ITPR3: variants seen among roughly 807,000 people sequenced by gnomAD.
The protein encoded by ITPR3 is inositol 1,4,5-trisphosphate receptor type 3, also known as inositol 1,4,5-trisphosphate-gated calcium channel ITPR3.
A neutral mutation model predicts 293.2 loss-of-function variants in ITPR3; 173 were observed. The ratio of observed to expected loss-of-function variants is 0.59; its 90% CI spans 0.52 to 0.67. The LOEUF (loss-of-function observed/expected upper bound fraction) is 0.67. Ranked by LOEUF, ITPR3 falls within the 30% of genes least tolerant of loss-of-function variation. The pLI is 0.00. For missense variants in ITPR3, 2,796 were observed against 3,592.1 expected, an observed-to-expected ratio of 0.78 and a Z score of 5.66; for synonymous variants, 1,295 against 1,444.4, an observed-to-expected ratio of 0.90 and a Z score of 2.35.
At position 33,685,506 on chromosome 6, in the gene ITPR3, C is replaced by G; in HGVS notation, c.5455C>G (p.Arg1819Gly). 6.2e-7 allele frequency: 1 copy of G among 1,612,632 alleles called. No individual in the cohort carries two copies. The highest frequency in any genetic ancestry group is 8.5e-7 in the Non-Finnish European group (1 of 1,179,542). Residue 1819 changes from arginine (R) to glycine (G), a missense_variant, in exon 40 of 58, where the codon CGC becomes GGC. This residue lies in a region of ITPR3 where 704 missense variants were observed against 797.5 expected (regional missense o/e 0.88). Coordinates refer to ENST00000605930, the MANE Select transcript of ITPR3 (RefSeq NM_002224.4). The stretch of plus-strand genomic sequence containing the variant: ...CCTGGGCAGCCAGCCACATGAGGAC[C>G]GCGAGCCAGTCGACCCCACCACCAA... ...NDLGSQPHED[R>G]EPVDPTTKGR... is the part of the protein sequence containing the mutation.
In ITPR3 at chr6:33,684,560, T is replaced by C. The variant is rs754992967; in HGVS notation, c.5047-38T>C. 1.2e-6 allele frequency: 2 copies of C among 1,607,300 alleles called. No individual in the cohort carries two copies. Among genetic ancestry groups the C allele is most frequent in the East Asian group, 2.2e-5 (1 of 44,846 alleles). On this transcript the variant is annotated intron_variant, in intron 37 of 57. Transcript: ENST00000605930. This position sits in a 1 kb window ranked among gnomAD's most constrained non-coding sequence, Gnocchi z 4.2. ...GTCAGGCCAGTGGTCAGTGGTGGGC[T>C]GTACCCACAATGGGGCCTCACTCCC...
In ITPR3 at chr6:33,690,287, CTG is replaced by C. The variant is rs776545726; in HGVS notation, c.7032+91_7032+92del. On this transcript the variant is annotated intron_variant, in intron 51 of 57. Coordinates refer to ENST00000605930, the MANE Select transcript of ITPR3 (RefSeq NM_002224.4). ...TTGTTGGCAGTTCCCCGGCACCAGT[CTG>C]TCTGTCCAGTCCTTTTGCTGCTGGG... The C allele has an allele frequency of 3.2e-6, 4 of 1,268,844 alleles. No homozygotes were observed. The East Asian group carries it at 9.8e-5, about 31-fold the overall frequency. 78.6% of individuals were successfully genotyped at this position (1,268,844 alleles called of 1,614,324 possible). A position where few individuals can be genotyped will look rare whatever the true frequency, so the allele number is the denominator to read the frequency against.
chr6:33,651,096 G>A (rs1764177113), intron 2 of ITPR3, among the ~76,000 whole-genome samples: 1 of 151,814 alleles, frequency 6.6e-6, no homozygotes, highest in Admixed American at 6.6e-5. Context: ...CTAACATGGT[G>A]AAACCTCGTC....
rs1765174178 is a variant in ITPR3 at position 33,684,653 on chromosome 6, C to T, written c.5102C>T (p.Thr1701Ile). The T allele has an allele frequency of 8.7e-6, 14 of 1,614,008 alleles. 1 individual carries two copies. In the African/African-American group the frequency reaches 1.2e-4, roughly 14 times the overall value. Residue 1701 changes from threonine (T) to isoleucine (I), a missense_variant, in exon 38 of 58, where the codon ACC becomes ATC. Physicochemically the swap from Thr to Ile is moderately conservative, Grantham distance 89. Transcript: ENST00000605930. The surrounding 1 kb of genome is among the most constrained non-coding windows in gnomAD (Gnocchi z 4.2). ...AACTACCTCCAGAACCGGAAGTCCA[C>T]CTCGCGGGGGGACCTTCCCGACCCC... The part of the protein sequence containing the change: ...LQNYLQNRKS[T>I]SRGDLPDPIG...
chr6:33,660,899 C>A (rs1354432545), intron 7 of ITPR3, among the ~76,000 whole-genome samples: 1 of 152,084 alleles, frequency 6.6e-6, no homozygotes, highest in Non-Finnish European at 1.5e-5. Flanking sequence ...ACACTGCACT[C>A]CAGCCTGGGT....
chr6:33,672,184 A>G lies in ITPR3; in HGVS notation c.2884A>G (p.Ile962Val), dbSNP rs1301687912. The part of the protein sequence containing the change: ...DRSKFEENED[I>V]VVMETKLKIL... ...AAGCAAGTTTGAGGAGAATGAGGAC[A>G]TTGTGGTGATGGAGACCAAGCTGAA... is the stretch of plus-strand genomic sequence containing the variant. Residue 962 changes from isoleucine to valine, a missense_variant, in exon 22 of 58, where the codon ATT becomes GTT. By Grantham distance (29) the Ile-to-Val change is conservative. Around this residue, in one of 8 missense-constraint regions of ITPR3, gnomAD observed 955 missense variants for 1,180.8 expected, o/e 0.81. Coordinates refer to ENST00000605930, the MANE Select transcript of ITPR3 (RefSeq NM_002224.4). This position sits in a 1 kb window ranked among gnomAD's most constrained non-coding sequence, Gnocchi z 5.0. The G allele has an allele frequency of 7.1e-6, 11 of 1,554,772 alleles. No homozygotes were observed. In the Middle Eastern group the frequency reaches 5.2e-4, roughly 73 times the overall value.
At chr6:33,660,118 A>T (rs999729095) in intron 7 of ITPR3, among the ~76,000 whole-genome samples, 1 of 152,192 alleles carries the variant, frequency 6.6e-6, no homozygotes, top group African/African-American at 2.4e-5. Flanking sequence ...AGACCATTCA[A>T]GAAACCCTGA....
Position 33,658,884 on chromosome 6 carries a change from AG to A in ITPR3, c.528+59del, listed in dbSNP as rs1378380213. On this transcript the variant is annotated intron_variant, in intron 5 of 57. Transcript: ENST00000605930. The surrounding 1 kb of genome is among the most constrained non-coding windows in gnomAD (Gnocchi z 6.1). ...GGTGGAACTCCCGAGGGGCTTCTGT[AG>A]GGTCTTCGGTGTGGGGACTGGATAA... 2 of 1,607,862 alleles carry A rather than the reference AG, an allele frequency of 1.2e-6. No homozygotes were observed. The highest frequency in any genetic ancestry group is 1.7e-6 in the Non-Finnish European group (2 of 1,175,952).
intron 2 of ITPR3, among the ~76,000 whole-genome samples, chr6:33,651,008 G>A (rs1764173687): frequency 6.6e-6 from 1 of 152,076 alleles, no homozygotes; most frequent in Non-Finnish European, 1.5e-5. Context: ...CGGGCGGGGT[G>A]GTTCACGCCT....
In ITPR3 at chr6:33,685,402, G is replaced by A. The variant is rs377756257; in HGVS notation, c.5351G>A (p.Arg1784His). ...NLMMSDKKSE[R>H]FFKVLHDRMK... ...ATGATGAGTGACAAGAAGTCAGAGCGCTTCTTCAAGGTGCTGCACGACCGC... is the reference window on the plus strand; with the variant it reads ...ATGATGAGTGACAAGAAGTCAGAGCACTTCTTCAAGGTGCTGCACGACCGC... The change falls in exon 40 of 58, where the codon CGC (arginine) becomes CAC (histidine). Residue 1784 changes from arginine (R) to histidine (H), a missense_variant. Transcript: ENST00000605930. The A allele has an allele frequency of 4.5e-5, 72 of 1,613,856 alleles. No homozygotes were observed. Among genetic ancestry groups the A allele is most frequent in the Non-Finnish European group, 5.8e-5 (68 of 1,179,888 alleles).
At position 33,691,040 on chromosome 6, in the gene ITPR3, G is replaced by A. The variant is rs770590508; in HGVS notation, c.7156G>A (p.Val2386Ile). 5.3e-5 allele frequency: 85 copies of A among 1,614,002 alleles called. No homozygotes were observed. Among genetic ancestry groups the A allele is most frequent in the Middle Eastern group, 1.6e-4 (1 of 6,084 alleles). Reference sequence around the variant, plus strand: ...CATCCTGGTCTACCTCTTCTCCATCGTCGGCTTCCTCTTCCTCAAGGATGA... The same window carrying A: ...CATCCTGGTCTACCTCTTCTCCATCATCGGCTTCCTCTTCCTCAAGGATGA... ...ALILVYLFSI[V>I]GFLFLKDDFI... Residue 2386 changes from valine (V) to isoleucine (I), a missense_variant, in exon 52 of 58, where the codon GTC (valine) becomes ATC (isoleucine). Around this residue, in one of 8 missense-constraint regions of ITPR3, gnomAD observed 568 missense variants for 796.1 expected, o/e 0.71. Coordinates refer to ENST00000605930, the MANE Select transcript of ITPR3 (RefSeq NM_002224.4). This position sits in a 1 kb window ranked among gnomAD's most constrained non-coding sequence, Gnocchi z 4.9.
chr6:33,640,064 T>A lies in ITPR3; in HGVS notation c.90-420T>A, dbSNP rs116388873. ...TGCTTTTTGTCTTTCTGACTCTCTG[T>A]CTCCCTCCCTTCCACTCCTCTATGC... On this transcript the variant is annotated intron_variant, in intron 1 of 57. Transcript: ENST00000605930. 3.0e-3 allele frequency among the ~76,000 whole-genome samples: 457 copies of A among 152,292 alleles called. 2 individuals are homozygous for A. The highest frequency in any genetic ancestry group is 0.011 in the African/African-American group (438 of 41,546).
At chr6:33,665,430 G>A (rs1217258388) in intron 13 of ITPR3, among the ~76,000 whole-genome samples, 5 of 152,244 alleles carry the variant, frequency 3.3e-5, no homozygotes, top group Non-Finnish European at 4.4e-5. Context: ...TGGTTACTGT[G>A]TTGAGCCTGG....
chr6:33,680,545 C>T lies in ITPR3; in HGVS notation c.4351-10C>T, dbSNP rs1231636553. ...GAGGAGCCCCCAGCCATCCCTCTCT[C>T]CTGCCTCAGGTCTGCAGCAAGCGTG... On this transcript the variant is annotated splice_polypyrimidine_tract_variant and intron_variant, in intron 32 of 57. Coordinates refer to ENST00000605930, the MANE Select transcript of ITPR3 (RefSeq NM_002224.4). The T allele has an allele frequency of 6.2e-6, 10 of 1,613,254 alleles. No individual in the cohort carries two copies. The East Asian group carries it at 6.7e-5, about 11-fold the overall frequency.
chr6:33,687,049 G>C lies in ITPR3; in HGVS notation c.6020G>C (p.Arg2007Pro). ...CTGCTCCTGGCTCTGATGGAGAGCC[G>C]GCATGACAGTGAAAATGCTGAGCGA... Reference protein sequence around the residue: ...SKLLLALMESRHDSENAERIL... With the variant: ...SKLLLALMESPHDSENAERIL... The change falls in exon 44 of 58, where the codon CGG becomes CCG. Residue 2007 changes from arginine (R) to proline (P), a missense_variant. Physicochemically the swap from Arg to Pro is moderately radical, Grantham distance 103 (BLOSUM62 -2). Coordinates refer to ENST00000605930, the MANE Select transcript of ITPR3 (RefSeq NM_002224.4). This position sits in a 1 kb window ranked among gnomAD's most constrained non-coding sequence, Gnocchi z 5.3. 6.2e-7 allele frequency: 1 copy of C among 1,613,976 alleles called. No homozygotes were observed. Among genetic ancestry groups the C allele is most frequent in the Non-Finnish European group, 8.5e-7 (1 of 1,179,970 alleles).
intron 1 of ITPR3, among the ~76,000 whole-genome samples, chr6:33,627,102 C>T (rs1160326470): frequency 6.6e-6 from 1 of 152,182 alleles, no homozygotes; most frequent in Non-Finnish European, 1.5e-5. Context: ...GCCACTGTAC[C>T]CGGCTTGGCT....
intron 24 of ITPR3, 46 bp downstream of exon 24, chr6:33,674,311 C>G (rs781256939): frequency 6.3e-7 from 1 of 1,581,374 alleles, no homozygotes; most frequent in Non-Finnish European, 8.7e-7. Flanking sequence ...TTGGGAGGCT[C>G]GACACCCCCT....
Position 33,658,096 on chromosome 6 carries a change from A to G in ITPR3, c.369+78A>G. On this transcript the variant is annotated intron_variant, in intron 4 of 57. Coordinates refer to ENST00000605930, the MANE Select transcript of ITPR3 (RefSeq NM_002224.4). This position sits in a 1 kb window ranked among gnomAD's most constrained non-coding sequence, Gnocchi z 6.1. ...GGGCTGGTGCTGGGTGAGGGCTGCC[A>G]GCAGGCATTGCCCTCTGTGCATGTG... 3 of 1,261,294 alleles carry G rather than the reference A, an allele frequency of 2.4e-6. No homozygotes were observed. Among genetic ancestry groups the G allele is most frequent in the South Asian group, 2.5e-5 (2 of 80,608 alleles). The allele number at this position is 1,261,294 out of a possible 1,614,324, so 78.1% of individuals were successfully genotyped here.
intron 23 of ITPR3, 122 bp downstream of exon 23, chr6:33,673,842 C>A (rs1440881238): frequency 3.5e-6 from 4 of 1,153,702 alleles, no homozygotes; most frequent in African/African-American, 1.6e-5. Flanking sequence ...CTTTTCTTTC[C>A]ACTGTCTCAT....
Sources: allele counts gnomAD v4.1 joint callset (sites outside exome capture counted in the v4.1 genomes callset), GRCh38; gene constraint gnomAD v4.1.1; regional missense constraint gnomAD v4.1.1; non-coding constraint Gnocchi (gnomAD v3.1); transcripts MANE v1.5; gene names NCBI Gene and HGNC (gene_info 2026-07-23, HGNC 2026-07-21).